PIP5K1B: variants seen among roughly 807,000 people sequenced by gnomAD.
PIP5K1B encodes the protein phosphatidylinositol 4-phosphate 5-kinase type-1 beta.
Under a neutral mutation model 67.0 loss-of-function variants are expected in PIP5K1B, and 42 were observed. The observed-to-expected ratio is 0.63, with a 90% CI of 0.49 to 0.81. The LOEUF is 0.81. Among genes scored for constraint, PIP5K1B ranks in the 30% least tolerant of loss-of-function variants. PIP5K1B has a pLI of 0.00. For synonymous variants in PIP5K1B, 214 were observed against 231.4 expected, an observed-to-expected ratio of 0.92 and a Z score of 0.68; for missense variants, 459 against 646.3, an observed-to-expected ratio of 0.71 and a Z score of 3.14.
intron 1 of PIP5K1B, among the ~76,000 whole-genome samples, chr9:68,737,377 G>T (rs928276318): frequency 6.6e-6 from 1 of 152,188 alleles, no homozygotes; most frequent in Non-Finnish European, 1.5e-5. Flanking sequence ...ATGGGGACAG[G>T]ATTAGACTAT....
chr9:68,815,389 T>G (rs1238757601), intron 2 of PIP5K1B, among the ~76,000 whole-genome samples: 1 of 151,500 alleles, frequency 6.6e-6, no homozygotes, highest in Non-Finnish European at 1.5e-5. Flanking sequence ...CTCAAAACAA[T>G]TAAAAGGAGA....
intron 4 of PIP5K1B, among the ~76,000 whole-genome samples, chr9:68,843,737 C>T (rs1296276189): frequency 2.0e-5 from 3 of 152,232 alleles, no homozygotes; most frequent in Non-Finnish European, 4.4e-5. Flanking sequence ...TATTTCCTTA[C>T]CCAACGAGAC....
In PIP5K1B at chr9:68,935,181, C is replaced by A. The variant is rs570901359; in HGVS notation, c.1357+136C>A. On this transcript the variant is annotated intron_variant, in intron 13 of 15. Coordinates refer to ENST00000265382, the MANE Select transcript of PIP5K1B (RefSeq NM_003558.4). Reference sequence around the variant, plus strand: ...TAATTAAGTTTTTAAAGGATAGCTGCAGTGGCCGGGCGCAGTGGCTCATGC... The same window carrying A: ...TAATTAAGTTTTTAAAGGATAGCTGAAGTGGCCGGGCGCAGTGGCTCATGC... 128 of 707,056 alleles carry A rather than the reference C, an allele frequency of 1.8e-4. 1 individual carries two copies. In the South Asian group the frequency reaches 2.4e-3, roughly 13 times the overall value. The allele number at this position is 707,056 out of a possible 1,614,324, so 43.8% of individuals were successfully genotyped here.
chr9:68,821,005 C>T (rs1428898655), intron 3 of PIP5K1B, among the ~76,000 whole-genome samples: 4 of 152,214 alleles, frequency 2.6e-5, no homozygotes, highest in Non-Finnish European at 5.9e-5. Context: ...AAGCTGGGCA[C>T]AGTGCCTCAT....
intron 14 of PIP5K1B, among the ~76,000 whole-genome samples, chr9:68,954,351 A>T (rs1205542200): frequency 6.6e-6 from 1 of 152,100 alleles, no homozygotes; most frequent in African/African-American, 2.4e-5. Flanking sequence ...AAATTAGATG[A>T]GATGTGTTTC....
intron 1 of PIP5K1B, among the ~76,000 whole-genome samples, chr9:68,721,051 G>A (rs781739065): frequency 5.9e-5 from 9 of 152,182 alleles, no homozygotes; most frequent in Non-Finnish European, 1.3e-4. Context: ...GCTGTATAAT[G>A]TGATAATGGG....
At chr9:68,815,904 C>T (rs1226959624) in intron 2 of PIP5K1B, among the ~76,000 whole-genome samples, 1 of 151,318 alleles carries the variant, frequency 6.6e-6, no homozygotes, top group Non-Finnish European at 1.5e-5. Flanking sequence ...TGAAAATATC[C>T]AGGAGTGAAT....
intron 15 of PIP5K1B, among the ~76,000 whole-genome samples, chr9:68,991,621 T>C (rs566990349): frequency 5.3e-5 from 8 of 152,318 alleles, no homozygotes; most frequent in African/African-American, 1.7e-4. Context: ...CTTGGTAAGT[T>C]AGTAGGCCGA....
At chr9:69,004,230 A>G (rs1830955746) in intron 15 of PIP5K1B, among the ~76,000 whole-genome samples, 1 of 152,160 alleles carries the variant, frequency 6.6e-6, no homozygotes, top group African/African-American at 2.4e-5. Context: ...TATTAACGAC[A>G]CTTTTTACTG....
chr9:68,984,220 A>ATTAG, intron 14 of PIP5K1B, among the ~76,000 whole-genome samples: 3 of 152,350 alleles, frequency 2.0e-5, no homozygotes, highest in Admixed American at 2.0e-4. Context: ...CATACAACTA[A>ATTAG]GTCCAAGAGC....
At chr9:68,869,846 G>C (rs990893940) in intron 5 of PIP5K1B, among the ~76,000 whole-genome samples, 1 of 152,050 alleles carries the variant, frequency 6.6e-6, no homozygotes, top group African/African-American at 2.4e-5. Flanking sequence ...AAATAAAAAA[G>C]AAAAAGATTA....
intron 1 of PIP5K1B, among the ~76,000 whole-genome samples, chr9:68,723,703 T>G (rs1430009029): frequency 1.4e-5 from 2 of 148,080 alleles, no homozygotes; most frequent in African/African-American, 2.5e-5. Flanking sequence ...TGGTTTTTTT[T>G]TTTTTTTTTT....
chr9:68,861,935 T>C (rs551200471), intron 4 of PIP5K1B, among the ~76,000 whole-genome samples: 1 of 151,950 alleles, frequency 6.6e-6, no homozygotes, highest in Admixed American at 6.6e-5. Flanking sequence ...GAATGCACTG[T>C]GGGCTTAAGT....
chr9:68,871,157 T>G (rs1271841988), intron 5 of PIP5K1B, among the ~76,000 whole-genome samples: 1 of 152,186 alleles, frequency 6.6e-6, no homozygotes, highest in Non-Finnish European at 1.5e-5. Context: ...GTAAGTGAAA[T>G]TCTACCCACC....
chr9:68,857,416 C>G (rs7040065), intron 4 of PIP5K1B, among the ~76,000 whole-genome samples: 64,081 of 151,888 alleles, frequency 0.42, 13,985 homozygotes, highest in Non-Finnish European at 0.48. Context: ...CATGCAATCT[C>G]TCTCTCTTTT....
intron 14 of PIP5K1B, among the ~76,000 whole-genome samples, chr9:68,965,259 T>C (rs76562362): frequency 0.019 from 2,885 of 152,320 alleles, 48 homozygotes; most frequent in South Asian, 0.047. Context: ...ATACATATTC[T>C]ATGACTCAAT....
At chr9:68,810,160 G>A (rs1182865109) in intron 2 of PIP5K1B, among the ~76,000 whole-genome samples, 1 of 152,222 alleles carries the variant, frequency 6.6e-6, no homozygotes, top group African/African-American at 2.4e-5. Context: ...AGCCTGAATG[G>A]CATGAAAATA....
At position 68,863,927 on chromosome 9, in the gene PIP5K1B, A is replaced by AT. The variant is rs762085346; in HGVS notation, c.161dup (p.Met54IlefsTer29). On this transcript the variant is annotated frameshift_variant, in exon 5 of 16. Transcript: ENST00000265382. LOFTEE classifies it high-confidence loss of function. ...TTCCAAGCCAGAACGAGATGTTCTT[A>AT]TGCAAGACTTTTATGTGGTGGAAAG... 1 of 1,613,970 alleles carries AT rather than the reference A, an allele frequency of 6.2e-7. No homozygotes were observed. The highest frequency in any genetic ancestry group is 1.7e-5 in the Admixed American group (1 of 60,026).
chr9:68,861,456 G>A (rs1823068262), intron 4 of PIP5K1B, among the ~76,000 whole-genome samples: 1 of 152,190 alleles, frequency 6.6e-6, no homozygotes, highest in Non-Finnish European at 1.5e-5. Flanking sequence ...ACTACCTTCT[G>A]TTGCCAGGGT....
Sources: gnomAD v4.1 joint callset for allele counts (sites outside exome capture counted in the v4.1 genomes callset) on GRCh38, gnomAD v4.1.1 for gene constraint, MANE v1.5 for transcripts, NCBI Gene and HGNC (gene_info 2026-07-23, HGNC 2026-07-21) for gene names.